Variants in GABBR2 observed in about 807,000 individuals in gnomAD.
GABBR2 encodes gamma-aminobutyric acid type B receptor subunit 2.
Under a neutral mutation model 105.6 loss-of-function variants are expected in GABBR2, and 23 were observed. That is an observed-to-expected ratio of 0.22 (90% CI 0.16 to 0.31). The LOEUF (loss-of-function observed/expected upper bound fraction) is 0.31, where lower values mean the gene tolerates loss of function less well. Ranked by LOEUF, GABBR2 falls within the 10% of genes least tolerant of loss-of-function variation. The probability of loss-of-function intolerance (pLI) is 1.00; values close to 1 mark genes in which losing one functional copy is unlikely to be tolerated. For missense variants in GABBR2, 734 were observed against 1,245.5 expected, an observed-to-expected ratio of 0.59 and a Z score of 6.18; for synonymous variants, 478 against 499.7, an observed-to-expected ratio of 0.96 and a Z score of 0.58.
chr9:98,579,395 C>T (rs1828968862), intron 1 of GABBR2, among the ~76,000 whole-genome samples: 1 of 152,158 alleles, frequency 6.6e-6, no homozygotes, highest in African/African-American at 2.4e-5. Context: ...CACTCAGCGC[C>T]TTTCCATCCC....
rs192319498 is a variant in GABBR2 at position 98,436,522 on chromosome 9, T to G, written c.1236+17459A>C. ...GAGCAACCCAGTGAGGGGTCCCTGG[T>G]CATTATTTTCACTTTGCAGAAGATA... On this transcript the variant is annotated intron_variant, in intron 7 of 18. Coordinates refer to ENST00000259455, the MANE Select transcript of GABBR2 (RefSeq NM_005458.8). 2.7e-3 allele frequency among the ~76,000 whole-genome samples: 397 copies of G among 148,426 alleles called. 1 individual carries two copies. Among genetic ancestry groups the G allele is most frequent in the African/African-American group, 9.5e-3 (377 of 39,764 alleles).
chr9:98,347,086 T>C (rs186537199), intron 13 of GABBR2, among the ~76,000 whole-genome samples: 5 of 152,334 alleles, frequency 3.3e-5, no homozygotes, highest in Admixed American at 1.3e-4. Flanking sequence ...TTCCTTTGGA[T>C]AAACACCCAG....
At chr9:98,294,995 A>G (rs1199794468) in intron 17 of GABBR2, among the ~76,000 whole-genome samples, 1 of 152,204 alleles carries the variant, frequency 6.6e-6, no homozygotes, top group Non-Finnish European at 1.5e-5. Flanking sequence ...ATTTGGATTC[A>G]TGTGGTCTGG....
intron 16 of GABBR2, 81 bp from the exon 17 acceptor site, chr9:98,299,434 C>T (rs1045045045): frequency 2.0e-6 from 3 of 1,508,592 alleles, no homozygotes; most frequent in African/African-American, 2.8e-5. Flanking sequence ...AGGTAGCTCA[C>T]AGGGCTGGGC....
intron 1 of GABBR2, among the ~76,000 whole-genome samples, chr9:98,608,551 T>C (rs1418614972): frequency 2.0e-5 from 3 of 152,174 alleles, no homozygotes; most frequent in African/African-American, 7.2e-5. Flanking sequence ...ATAATTATAA[T>C]ACAAAGGTTC....
At chr9:98,318,441 G>C (rs944721578) in intron 13 of GABBR2, among the ~76,000 whole-genome samples, 16 of 152,200 alleles carry the variant, frequency 1.1e-4, no homozygotes, top group African/African-American at 3.6e-4. Flanking sequence ...GGGCTCCTCT[G>C]TATGTTTCTG....
intron 1 of GABBR2, among the ~76,000 whole-genome samples, chr9:98,602,274 C>A (rs1007602454): frequency 6.6e-6 from 1 of 151,576 alleles, no homozygotes; most frequent in Non-Finnish European, 1.5e-5. Flanking sequence ...GAGTTTGAGA[C>A]CAGCCTGGCC....
At chr9:98,365,222 G>A (rs1365563556) in intron 12 of GABBR2, among the ~76,000 whole-genome samples, 1 of 152,206 alleles carries the variant, frequency 6.6e-6, no homozygotes, top group Non-Finnish European at 1.5e-5. Flanking sequence ...TGTGGTCAGT[G>A]ATCCTTAAAT....
At chr9:98,598,812 C>G (rs1397999643) in intron 1 of GABBR2, among the ~76,000 whole-genome samples, 1 of 152,154 alleles carries the variant, frequency 6.6e-6, no homozygotes, top group African/African-American at 2.4e-5. Flanking sequence ...CATCACACAG[C>G]AACCCAGCCT....
chr9:98,548,502 C>G (rs1314353043), intron 2 of GABBR2, among the ~76,000 whole-genome samples: 1 of 116,144 alleles, frequency 8.6e-6, no homozygotes, highest in African/African-American at 2.7e-5. Context: ...TCCCAGAATG[C>G]AATTCACATC....
At chr9:98,430,875 A>G (rs1825796450) in intron 7 of GABBR2, among the ~76,000 whole-genome samples, 1 of 150,946 alleles carries the variant, frequency 6.6e-6, no homozygotes, top group South Asian at 2.1e-4. Context: ...CTCAGGGGTC[A>G]CTGTCCTCTG....
At chr9:98,587,178 T>C (rs1400162943) in intron 1 of GABBR2, among the ~76,000 whole-genome samples, 1 of 152,232 alleles carries the variant, frequency 6.6e-6, no homozygotes, top group African/African-American at 2.4e-5. Context: ...CATATGCTTA[T>C]AGCCTGTGTT....
intron 1 of GABBR2, among the ~76,000 whole-genome samples, chr9:98,629,798 G>A (rs1050210635): frequency 1.2e-4 from 19 of 152,166 alleles, no homozygotes; most frequent in African/African-American, 4.6e-4. Context: ...GTCAAGCAAA[G>A]GTCACTGAAG....
chr9:98,505,423 G>GGTGTGTGTGTGTGTGT (rs59702034), intron 3 of GABBR2, among the ~76,000 whole-genome samples: 11 of 148,392 alleles, frequency 7.4e-5, no homozygotes, highest in African/African-American at 2.3e-4. Flanking sequence ...GCTGTATCCA[G>GGTGTGTGTGTGTGTGT]GTGTGTGTGT....
At chr9:98,490,170 CTG>C (rs1827147065) in intron 4 of GABBR2, among the ~76,000 whole-genome samples, 1 of 152,078 alleles carries the variant, frequency 6.6e-6, no homozygotes, top group Non-Finnish European at 1.5e-5. Flanking sequence ...TTGTACAACA[CTG>C]TGAATGTACT....
intron 2 of GABBR2, among the ~76,000 whole-genome samples, chr9:98,564,250 C>T (rs183400450): frequency 2.6e-5 from 4 of 152,302 alleles, no homozygotes; most frequent in Admixed American, 2.6e-4. Context: ...GCCTCCATGG[C>T]CCCCAGAGAG....
intron 3 of GABBR2, among the ~76,000 whole-genome samples, chr9:98,505,611 G>A (rs1372777605): frequency 6.6e-6 from 1 of 152,200 alleles, no homozygotes; most frequent in African/African-American, 2.4e-5. Context: ...TTAACTGAAG[G>A]ATCTTGGGAT....
In GABBR2 at chr9:98,496,479, C is replaced by T. The variant is rs778986684; in HGVS notation, c.666G>A (p.Glu222=). The change falls in exon 4 of 19, where the codon GAG becomes GAA. Residue 222 remains glutamate (E), a synonymous_variant. Coordinates refer to ENST00000259455, the MANE Select transcript of GABBR2 (RefSeq NM_005458.8). ...RNDLTGVLYG[E]DIEISDTESF... Reference sequence around the variant, plus strand: ...TCTCGGTGTCTGAAATCTCAATGTCCTCGCCATACAGAACTCCAGTCAGGT... The same window carrying T: ...TCTCGGTGTCTGAAATCTCAATGTCTTCGCCATACAGAACTCCAGTCAGGT... 3 of 1,612,860 alleles carry T rather than the reference C, an allele frequency of 1.9e-6. No individual in the cohort carries two copies. Among genetic ancestry groups the T allele is most frequent in the African/African-American group, 2.7e-5 (2 of 74,778 alleles).
intron 14 of GABBR2, among the ~76,000 whole-genome samples, chr9:98,308,264 C>T (rs973330841): frequency 1.3e-5 from 2 of 152,110 alleles, no homozygotes; most frequent in African/African-American, 2.4e-5. Flanking sequence ...CTCTGGGGAC[C>T]TGGTGGTTGG....
Sources: gnomAD v4.1 joint callset for allele counts (sites outside exome capture counted in the v4.1 genomes callset) on GRCh38, gnomAD v4.1.1 for gene constraint, MANE v1.5 for transcripts, NCBI Gene and HGNC (gene_info 2026-07-23, HGNC 2026-07-21) for gene names.